VSIG10L: variants seen among roughly 807,000 people sequenced by gnomAD.
VSIG10L encodes the protein V-set and immunoglobulin domain-containing protein 10-like.
In VSIG10L, 63 loss-of-function variants were observed where a neutral mutation model predicts 67.3. The observed-to-expected ratio is 0.94, with a 90% CI of 0.76 to 1.15. The LOEUF (loss-of-function observed/expected upper bound fraction) is 1.15, where lower values mean the gene tolerates loss of function less well. VSIG10L is among the 50% of genes most tolerant of loss of function. VSIG10L has a pLI of 0.00. For missense variants in VSIG10L, 1,050 were observed against 1,177.5 expected (o/e 0.89, Z 1.58); for synonymous variants, 499 against 524.9 (o/e 0.95, Z 0.67).
In VSIG10L at chr19:51,340,867, T is replaced by C. The variant is rs1377830354; in HGVS notation, c.896-141A>G. The C allele has an allele frequency of 6.8e-6, 8 of 1,174,242 alleles. No homozygotes were observed. The East Asian group carries it at 2.2e-4, about 32-fold the overall frequency. The allele number at this position is 1,174,242 out of a possible 1,614,324, so 72.7% of individuals were successfully genotyped here. ...CCTCTCCTCTCATAAACCTATGAGT[T>C]TGAGCCCCCAGACACCTCCTCTCCG... On this transcript the variant is annotated intron_variant, in intron 2 of 9. Transcript: ENST00000335624. This position sits in a 1 kb window ranked among gnomAD's most constrained non-coding sequence, Gnocchi z 6.3.
chr19:51,341,487 T>C lies in VSIG10L; in HGVS notation c.561A>G (p.Ser187=), dbSNP rs370943955. The change falls in exon 2 of 10, where the codon TCA becomes TCG. Residue 187 remains serine, a synonymous_variant. Transcript: ENST00000335624. ...CCACCTGCTGGGGAAAGCTTGCAGCTGAGTGGGTCTCTGCAGAAAATTTGG... is the reference window on the plus strand; with the variant it reads ...CCACCTGCTGGGGAAAGCTTGCAGCCGAGTGGGTCTCTGCAGAAAATTTGG... ...PESKFSAETH[S]AASFPQQVGG... 8.2e-5 allele frequency: 127 copies of C among 1,549,166 alleles called. 1 individual carries two copies. The highest frequency in any genetic ancestry group is 2.6e-5 in the Non-Finnish European group (30 of 1,145,760).
chr19:51,339,881 C>T lies in VSIG10L; in HGVS notation c.1474+134G>A, dbSNP rs1985579069. ...TCCCAGCTCCTTCTTGGTGACCCGCCCTCCCGCTGGCCCTGCCCCACCCAC... is the reference window on the plus strand; with the variant it reads ...TCCCAGCTCCTTCTTGGTGACCCGCTCTCCCGCTGGCCCTGCCCCACCCAC... On this transcript the variant is annotated intron_variant, in intron 4 of 9. Coordinates refer to ENST00000335624, the MANE Select transcript of VSIG10L (RefSeq NM_001163922.3). 4 of 1,037,962 alleles carry T rather than the reference C, an allele frequency of 3.9e-6. No homozygotes were observed. The South Asian group carries it at 1.4e-4, about 38-fold the overall frequency. 64.3% of individuals were successfully genotyped at this position (1,037,962 alleles called of 1,614,324 possible).
Position 51,340,477 on chromosome 19 carries a change from C to T in VSIG10L, c.1145G>A (p.Ser382Asn). The T allele has an allele frequency of 6.6e-7, 1 of 1,514,040 alleles. No individual in the cohort carries two copies. The allele number at this position is 1,514,040 out of a possible 1,614,324, so 93.8% of individuals were successfully genotyped here. The part of the protein sequence containing the change: ...DHARYTCRVR[S>N]PFGHREAAAD... ...GGCAGCCTCCCTGTGGCCGAAGGGG[C>T]TGCGGACGCGGCAAGTGTACCGGGC... Residue 382 changes from serine to asparagine, a missense_variant, in exon 3 of 10, where the codon AGC (serine) becomes AAC (asparagine). Ser to Asn is a conservative substitution (Grantham distance 46). This residue lies in a region of VSIG10L where 511 missense variants were observed against 557.9 expected (regional missense o/e 0.92). Transcript: ENST00000335624. The surrounding 1 kb of genome is among the most constrained non-coding windows in gnomAD (Gnocchi z 6.3).
chr19:51,339,935 G>T, intron 4 of VSIG10L, 80 bp downstream of exon 4: 6 of 812,748 alleles, frequency 7.4e-6, no homozygotes, highest in Non-Finnish European at 7.4e-6. Context: ...TGCTGGCCCC[G>T]CCCCTTTCCT....
At position 51,340,638 on chromosome 19, in the gene VSIG10L, C is replaced by T. The variant is rs1985613239; in HGVS notation, c.984G>A (p.Gly328=). 6.5e-7 allele frequency: 1 copy of T among 1,533,724 alleles called. No individual in the cohort carries two copies. Among genetic ancestry groups the T allele is most frequent in the Non-Finnish European group, 8.7e-7 (1 of 1,145,668 alleles). Residue 328 remains glycine (G), a synonymous_variant, in exon 3 of 10, where the codon GGG becomes GGA. Coordinates refer to ENST00000335624, the MANE Select transcript of VSIG10L (RefSeq NM_001163922.3). This position sits in a 1 kb window ranked among gnomAD's most constrained non-coding sequence, Gnocchi z 6.3. Reference sequence around the variant, plus strand: ...TCCAGCTCAGCTCCCCGCGACCTGGCCCCCACCCCAGGCAGCGCAGCCGGA... The same window carrying T: ...TCCAGCTCAGCTCCCCGCGACCTGGTCCCCACCCCAGGCAGCGCAGCCGGA... ...AELRLRCLGW[G]PGRGELSWSR...
chr19:51,338,123 A>G lies in VSIG10L; in HGVS notation c.1815T>C (p.Cys605=). Residue 605 remains cysteine (C), a synonymous_variant, in exon 6 of 10, where the codon TGT becomes TGC. Coordinates refer to ENST00000335624, the MANE Select transcript of VSIG10L (RefSeq NM_001163922.3). Reference sequence around the variant, plus strand: ...CCCAGGATGCCCGTGAGGGTGGGGGACAACCAGAGGCCTCCAGTGCCACCT... The same window carrying G: ...CCCAGGATGCCCGTGAGGGTGGGGGGCAACCAGAGGCCTCCAGTGCCACCT... ...EAEVALEASG[C]PPPSRASWAR... The G allele has an allele frequency of 1.3e-6, 2 of 1,548,418 alleles. No homozygotes were observed.
intron 4 of VSIG10L, chr19:51,339,686 T>G: frequency 4.1e-6 from 1 of 246,696 alleles, no homozygotes; most frequent in Non-Finnish European, 7.8e-6. Flanking sequence ...CTTGTCGACT[T>G]TGTCGAGTGT....
At position 51,340,488 on chromosome 19, in the gene VSIG10L, G is replaced by A; in HGVS notation, c.1134C>T (p.Cys378=). ...PVRSDHARYT[C]RVRSPFGHRE... is the part of the protein sequence containing the mutation. ...TGTGGCCGAAGGGGCTGCGGACGCG[G>A]CAAGTGTACCGGGCGTGGTCGCTGC... The change falls in exon 3 of 10, where the codon TGC becomes TGT. Residue 378 remains cysteine (C), a synonymous_variant. Coordinates refer to ENST00000335624, the MANE Select transcript of VSIG10L (RefSeq NM_001163922.3). This position sits in a 1 kb window ranked among gnomAD's most constrained non-coding sequence, Gnocchi z 6.3. 6.6e-7 allele frequency: 1 copy of A among 1,520,710 alleles called. No homozygotes were observed. Among genetic ancestry groups the A allele is most frequent in the South Asian group, 1.2e-5 (1 of 83,136 alleles). The allele number at this position is 1,520,710 out of a possible 1,614,324, so 94.2% of individuals were successfully genotyped here.
rs777178389 is a variant in VSIG10L at position 51,340,745 on chromosome 19, G to A, written c.896-19C>T. ...AGGGGCTCTGGGAGAGGGAGAATGG[G>A]CTCAGGACCCACCCAGTCCTGGAGC... is the stretch of plus-strand genomic sequence containing the variant. On this transcript the variant is annotated intron_variant, in intron 2 of 9. Transcript: ENST00000335624. This position sits in a 1 kb window ranked among gnomAD's most constrained non-coding sequence, Gnocchi z 6.3. 2 of 1,468,456 alleles carry A rather than the reference G, an allele frequency of 1.4e-6. No individual in the cohort carries two copies. Among genetic ancestry groups the A allele is most frequent in the Admixed American group, 2.4e-5 (1 of 42,132 alleles). The allele number at this position is 1,468,456 out of a possible 1,614,324, so 91.0% of individuals were successfully genotyped here.
At position 51,340,015 on chromosome 19, in the gene VSIG10L, C is replaced by T. The variant is rs552042636; in HGVS notation, c.1474G>A (p.Asp492Asn). 1.6e-4 allele frequency: 224 copies of T among 1,416,470 alleles called. 2 individuals are homozygous for T. The South Asian group carries it at 3.0e-3, about 19-fold the overall frequency. The allele number at this position is 1,416,470 out of a possible 1,614,324, so 87.7% of individuals were successfully genotyped here. Residue 492 changes from aspartate (D) to asparagine (N), a missense_variant and splice_region_variant, in exon 4 of 10, where the codon GAC (aspartate) becomes AAC (asparagine). By Grantham distance (23) the Asp-to-Asn change is conservative. Transcript: ENST00000335624. This position sits in a 1 kb window ranked among gnomAD's most constrained non-coding sequence, Gnocchi z 6.3. ...RRSLLNLTVA[D>N]LPPGAPQCSV... Reference sequence around the variant, plus strand: ...CCCTACTCCCGCTCCAGCCTCTCACCCGCCACTGTAAGGTTGAGCAGCGAG... The same window carrying T: ...CCCTACTCCCGCTCCAGCCTCTCACTCGCCACTGTAAGGTTGAGCAGCGAG...
At chr19:51,337,567 G>T in intron 6 of VSIG10L, 33 bp from the exon 7 acceptor site, 1 of 1,474,522 alleles carries the variant, frequency 6.8e-7, no homozygotes. Flanking sequence ...GGATTCTTGG[G>T]TGCCAGAGGG....
At chr19:51,339,576 A>T (rs1985572311) in intron 4 of VSIG10L, 1 of 208,590 alleles carries the variant, frequency 4.8e-6, no homozygotes, top group Admixed American at 6.1e-5. Context: ...TTCCCTGGTG[A>T]CTCCGCCCCC....
At chr19:51,334,429 A>C (rs1329179999) in intron 7 of VSIG10L, 125 bp from the exon 8 acceptor site, 2 of 731,342 alleles carry the variant, frequency 2.7e-6, no homozygotes, top group Non-Finnish European at 4.4e-6. Flanking sequence ...CCCCTCCCAG[A>C]ACCCAGGAAT....
In VSIG10L at chr19:51,337,503, T is replaced by C. The variant is rs1350498700; in HGVS notation, c.2040A>G (p.Arg680=). ...GPSISSWRLQ[R]ARDAAVLTWD... ...AAGTCAGCACGGCTGCATCTCTGGC[T>C]CTCTGAAGCCTCCACGAGGATATGG... The change falls in exon 7 of 10, where the codon AGA becomes AGG. Residue 680 remains arginine (R), a synonymous_variant. Coordinates refer to ENST00000335624, the MANE Select transcript of VSIG10L (RefSeq NM_001163922.3). 1.9e-6 allele frequency: 3 copies of C among 1,547,378 alleles called. No homozygotes were observed. The African/African-American group carries it at 4.1e-5, about 21-fold the overall frequency.
At position 51,340,718 on chromosome 19, in the gene VSIG10L, G is replaced by A. The variant is rs1157443716; in HGVS notation, c.904C>T (p.Pro302Ser). ...EFTVGVYEPL[P>S]QLSVQPKAPE... Reference sequence around the variant, plus strand: ...GCCTTGGGCTGAACCGACAGCTGGGGTAGGGGCTCTGGGAGAGGGAGAATG... The same window carrying A: ...GCCTTGGGCTGAACCGACAGCTGGGATAGGGGCTCTGGGAGAGGGAGAATG... Residue 302 changes from proline (P) to serine (S), a missense_variant, in exon 3 of 10, where the codon CCC (proline) becomes TCC (serine). This residue lies in a region of VSIG10L where 511 missense variants were observed against 557.9 expected (regional missense o/e 0.92). Transcript: ENST00000335624. This position sits in a 1 kb window ranked among gnomAD's most constrained non-coding sequence, Gnocchi z 6.3. 2 of 1,499,242 alleles carry A rather than the reference G, an allele frequency of 1.3e-6. No individual in the cohort carries two copies. The highest frequency in any genetic ancestry group is 2.5e-5 in the East Asian group (1 of 40,228). 92.9% of individuals were successfully genotyped at this position (1,499,242 alleles called of 1,614,324 possible). A position where few individuals can be genotyped will look rare whatever the true frequency, so the allele number is the denominator to read the frequency against.
chr19:51,338,518 G>T (rs2123555122), intron 5 of VSIG10L, among the ~76,000 whole-genome samples: 2 of 152,174 alleles, frequency 1.3e-5, no homozygotes, highest in East Asian at 3.9e-4. Context: ...TTACAAGACT[G>T]GGTCTTGCCA....
chr19:51,332,426 C>A lies in VSIG10L; in HGVS notation c.*185G>T, dbSNP rs554043222. ...CCTTACTTGCACAAATACAGGAAGA[C>A]TCTTCTTCTGCAGCAAGAGAGGGAG... On this transcript the variant is annotated 3_prime_UTR_variant, in exon 10 of 10. Coordinates refer to ENST00000335624, the MANE Select transcript of VSIG10L (RefSeq NM_001163922.3). 8.3e-6 allele frequency: 6 copies of A among 726,104 alleles called. No individual in the cohort carries two copies. Among genetic ancestry groups the A allele is most frequent in the African/African-American group, 7.0e-5 (4 of 57,356 alleles). The allele number at this position is 726,104 out of a possible 1,614,324, so 45.0% of individuals were successfully genotyped here. A position where few individuals can be genotyped will look rare whatever the true frequency, so the allele number is the denominator to read the frequency against.
intron 5 of VSIG10L, among the ~76,000 whole-genome samples, 159 bp downstream of exon 5, chr19:51,338,729 T>C (rs995980368): frequency 1.3e-5 from 2 of 152,204 alleles, no homozygotes; most frequent in South Asian, 2.1e-4. Context: ...CCATGAGGTA[T>C]AGGAAAATCT....
chr19:51,339,224 C>T (rs146811744), intron 4 of VSIG10L, 82 bp from the exon 5 acceptor site: 22 of 1,250,568 alleles, frequency 1.8e-5, no homozygotes, highest in South Asian at 1.3e-4. Context: ...GGTGACTCCA[C>T]CCTTCTTCAC....
Sources: allele counts gnomAD v4.1 joint callset (sites outside exome capture counted in the v4.1 genomes callset), GRCh38; gene constraint gnomAD v4.1.1; regional missense constraint gnomAD v4.1.1; non-coding constraint Gnocchi (gnomAD v3.1); transcripts MANE v1.5; gene names NCBI Gene and HGNC (gene_info 2026-07-23, HGNC 2026-07-21).